Variants in CDC16 observed in about 807,000 individuals in gnomAD.
CDC16 encodes the protein cell division cycle 16, also known as cell division cycle protein 16 homolog.
In CDC16, 34 loss-of-function variants were observed where a neutral mutation model predicts 87.0. The observed-to-expected ratio is 0.39, with a 90% CI of 0.30 to 0.52. The LOEUF (loss-of-function observed/expected upper bound fraction) is 0.52, where lower values mean the gene tolerates loss of function less well. Among genes scored for constraint, CDC16 ranks in the 20% least tolerant of loss-of-function variants. The pLI, the probability that CDC16 is intolerant of heterozygous loss-of-function variation, is 0.74. For synonymous variants in CDC16, 263 were observed against 260.6 expected (o/e 1.01, Z -0.09); for missense variants, 653 against 751.9 (o/e 0.87, Z 1.54).
chr13:114,264,871 G>A (rs2083098195), intron 16 of CDC16: 1 of 297,032 alleles, frequency 3.4e-6, no homozygotes, highest in Non-Finnish European at 6.6e-6. Flanking sequence ...GCCTCCCAAA[G>A]TGCTGGGATT....
chr13:114,251,870 C>T (rs1594610477), intron 12 of CDC16, among the ~76,000 whole-genome samples: 1 of 152,186 alleles, frequency 6.6e-6, no homozygotes, highest in South Asian at 2.1e-4. Flanking sequence ...AACACTAGCC[C>T]TATTGGATGA....
chr13:114,256,649 C>CA (rs773561164), intron 12 of CDC16, among the ~76,000 whole-genome samples: 3 of 152,106 alleles, frequency 2.0e-5, no homozygotes, highest in Non-Finnish European at 4.4e-5. Flanking sequence ...GAAGGGAGAG[C>CA]ATTTATGTTA....
At chr13:114,254,568 T>C (rs1016945745) in intron 12 of CDC16, among the ~76,000 whole-genome samples, 1 of 152,202 alleles carries the variant, frequency 6.6e-6, no homozygotes, top group Non-Finnish European at 1.5e-5. Context: ...ACATTATAAG[T>C]CCATCAGCAC....
intron 10 of CDC16, 65 bp from the exon 11 acceptor site, chr13:114,246,866 G>A: frequency 1.0e-6 from 1 of 962,732 alleles, no homozygotes; most frequent in South Asian, 1.3e-5. Flanking sequence ...ACCCTAATTT[G>A]TTGCAGATTC....
intron 11 of CDC16, chr13:114,247,291 T>C: frequency 2.9e-6 from 1 of 349,508 alleles, no homozygotes; most frequent in South Asian, 3.7e-5. Flanking sequence ...GCCTCCCGAG[T>C]AGCTGGGACT....
chr13:114,263,080 A>AT, intron 16 of CDC16, 66 bp downstream of exon 16: 2 of 1,409,900 alleles, frequency 1.4e-6, no homozygotes, highest in Non-Finnish European at 2.0e-6. Flanking sequence ...TTTTGAAAAT[A>AT]TTTTTTCTAG....
At chr13:114,262,797 G>A (rs1485673293) in intron 15 of CDC16, 82 bp from the exon 16 acceptor site, 42 of 1,383,614 alleles carry the variant, frequency 3.0e-5, no homozygotes, top group Non-Finnish European at 4.2e-5. Flanking sequence ...CGTTTCTTGG[G>A]TGTTGATATG....
intron 17 of CDC16, among the ~76,000 whole-genome samples, chr13:114,265,985 A>G (rs17338326): frequency 1.3e-5 from 2 of 152,070 alleles, no homozygotes; most frequent in Admixed American, 1.3e-4. Context: ...CTAGCTAATT[A>G]TGTATTTTTA....
intron 14 of CDC16, 62 bp from the exon 15 acceptor site, chr13:114,261,825 C>A: frequency 2.5e-6 from 3 of 1,203,340 alleles, no homozygotes; most frequent in East Asian, 2.6e-5. Context: ...TAATTCAGTG[C>A]AAACAAATCA....
intron 5 of CDC16, among the ~76,000 whole-genome samples, chr13:114,241,387 T>A (rs1167452132): frequency 6.6e-6 from 1 of 152,208 alleles, no homozygotes; most frequent in African/African-American, 2.4e-5. Flanking sequence ...CAGCAGGCCA[T>A]TGTGCTGACT....
Position 114,247,015 on chromosome 13 carries a change from A to AT in CDC16, c.971+18dup, listed in dbSNP as rs759861007. The AT allele has an allele frequency of 6.4e-6, 10 of 1,574,428 alleles. No homozygotes were observed. Among genetic ancestry groups the AT allele is most frequent in the Non-Finnish European group, 8.7e-6 (10 of 1,144,506 alleles). On this transcript the variant is annotated intron_variant, in intron 11 of 17. Coordinates refer to ENST00000356221, the MANE Select transcript of CDC16 (RefSeq NM_001078645.3). ...CAGAAGATATCTCAGGTATGAATTT[A>AT]TTTTTTTCCTCTCTAGTTAACCTGT...
intron 9 of CDC16, 65 bp downstream of exon 9, chr13:114,245,034 AT>A: frequency 1.0e-6 from 1 of 969,468 alleles, no homozygotes; most frequent in Non-Finnish European, 1.6e-6. Flanking sequence ...GTAACTTGAA[AT>A]TTTGTCTCTG....
At chr13:114,255,258 T>G (rs1294936759) in intron 12 of CDC16, among the ~76,000 whole-genome samples, 1 of 152,242 alleles carries the variant, frequency 6.6e-6, no homozygotes, top group Non-Finnish European at 1.5e-5. Context: ...AGAAGGTGTA[T>G]ATACTTATAT....
intron 5 of CDC16, among the ~76,000 whole-genome samples, chr13:114,241,409 T>C (rs961412936): frequency 6.6e-6 from 1 of 152,230 alleles, no homozygotes; most frequent in African/African-American, 2.4e-5. Flanking sequence ...CTGTGACCAC[T>C]CTGCTGCATT....
At chr13:114,256,336 T>C (rs1335299031) in intron 12 of CDC16, among the ~76,000 whole-genome samples, 1 of 152,216 alleles carries the variant, frequency 6.6e-6, no homozygotes, top group African/African-American at 2.4e-5. Context: ...TTTTAAAGAA[T>C]TTGTCATGAC....
chr13:114,266,068 C>T (rs530147100), intron 17 of CDC16, among the ~76,000 whole-genome samples: 11 of 152,292 alleles, frequency 7.2e-5, no homozygotes, highest in South Asian at 2.1e-4. Context: ...CTGCCTGCCT[C>T]GGCCTCTCAA....
At chr13:114,267,992 G>A (rs1485274222) in intron 17 of CDC16, among the ~76,000 whole-genome samples, 1 of 152,202 alleles carries the variant, frequency 6.6e-6, no homozygotes, top group Non-Finnish European at 1.5e-5. Context: ...AAAAACTCAG[G>A]TCCCTCACCC....
intron 17 of CDC16, among the ~76,000 whole-genome samples, chr13:114,266,906 C>T (rs922685277): frequency 2.0e-5 from 3 of 151,864 alleles, no homozygotes; most frequent in Non-Finnish European, 4.4e-5. Context: ...CAGTGTTCGC[C>T]AGGATGATCT....
At chr13:114,264,120 A>G (rs2083030762) in intron 16 of CDC16, 1 of 152,236 alleles carries the variant, frequency 6.6e-6, no homozygotes, top group Admixed American at 6.5e-5. Flanking sequence ...GAAGTCATGA[A>G]GGTACCATGA....
Sources: allele counts gnomAD v4.1 joint callset (sites outside exome capture counted in the v4.1 genomes callset), GRCh38; gene constraint gnomAD v4.1.1; transcripts MANE v1.5; gene names NCBI Gene and HGNC (gene_info 2026-07-23, HGNC 2026-07-21).